PPP1R12B: variants seen among roughly 807,000 people sequenced by gnomAD.
PPP1R12B encodes the protein protein phosphatase 1 regulatory subunit 12B.
A neutral mutation model predicts 126.1 loss-of-function variants in PPP1R12B; 76 were observed. The ratio of observed to expected loss-of-function variants is 0.60; its 90% CI spans 0.50 to 0.73. The LOEUF (loss-of-function observed/expected upper bound fraction) is 0.73, where lower values mean the gene tolerates loss of function less well. PPP1R12B is among the 30% of genes least tolerant of loss of function. PPP1R12B has a pLI of 0.00. For missense variants in PPP1R12B, 1,052 were observed against 1,205.1 expected (o/e 0.87, Z 1.88); for synonymous variants, 356 against 434.7 (o/e 0.82, Z 2.25).
At chr1:202,532,434 C>T (rs1394461236) in intron 18 of PPP1R12B, among the ~76,000 whole-genome samples, 7 of 152,120 alleles carry the variant, frequency 4.6e-5, no homozygotes, top group African/African-American at 1.4e-4. Flanking sequence ...TTACCCAGCC[C>T]GTATTCAAGA....
intron 18 of PPP1R12B, among the ~76,000 whole-genome samples, chr1:202,555,430 A>T (rs1399001034): frequency 6.7e-6 from 1 of 148,180 alleles, no homozygotes; most frequent in Non-Finnish European, 1.5e-5. Flanking sequence ...GTAAAATCTT[A>T]CCCAACAAAT....
At chr1:202,461,801 T>C (rs771534525) in intron 13 of PPP1R12B, among the ~76,000 whole-genome samples, 2 of 152,158 alleles carry the variant, frequency 1.3e-5, no homozygotes, top group African/African-American at 2.4e-5. Context: ...TACCTTCTTA[T>C]GCCTTTTCTC....
intron 1 of PPP1R12B, among the ~76,000 whole-genome samples, chr1:202,351,886 CT>C (rs1329594286): frequency 6.6e-6 from 1 of 152,182 alleles, no homozygotes; most frequent in Non-Finnish European, 1.5e-5. Context: ...CTTGATGCTT[CT>C]TTTGGACTTA....
intron 13 of PPP1R12B, among the ~76,000 whole-genome samples, chr1:202,456,595 A>G (rs1432277907): frequency 6.6e-6 from 1 of 152,196 alleles, no homozygotes; most frequent in East Asian, 1.9e-4. Context: ...TAACTAAGAA[A>G]CTATATCAAG....
chr1:202,565,898 C>CAA lies in PPP1R12B; in HGVS notation c.2757+1364_2757+1365dup, dbSNP rs74768813. Among the ~76,000 whole-genome samples, 1 of 116,130 alleles carries CAA rather than the reference C, an allele frequency of 8.6e-6. No homozygotes were observed. 76.2% of individuals were successfully genotyped at this position (116,130 alleles called of 152,430 possible). The stretch of plus-strand genomic sequence containing the variant: ...CTCACTCCAACATTATTGAGCCAGG[C>CAA]AAAAAAAAAAAAAAGTCTCATTCAC... On this transcript the variant is annotated intron_variant, in intron 21 of 23. Transcript: ENST00000608999. This position sits in a 1 kb window ranked among gnomAD's most constrained non-coding sequence, Gnocchi z 4.3.
At chr1:202,417,877 A>G (rs1200009020) in intron 2 of PPP1R12B, among the ~76,000 whole-genome samples, 1 of 152,168 alleles carries the variant, frequency 6.6e-6, no homozygotes, top group Admixed American at 6.5e-5. Context: ...TGATTTGCCC[A>G]GGTTTCCTAA....
At chr1:202,350,835 G>A (rs1018787074) in intron 1 of PPP1R12B, among the ~76,000 whole-genome samples, 6 of 151,888 alleles carry the variant, frequency 4.0e-5, no homozygotes, top group Non-Finnish European at 8.8e-5. Flanking sequence ...TGACCAGGCT[G>A]GTCTCAAACT....
At chr1:202,566,409 G>C (rs544186931) in intron 21 of PPP1R12B, among the ~76,000 whole-genome samples, 11 of 152,272 alleles carry the variant, frequency 7.2e-5, no homozygotes, top group African/African-American at 2.6e-4. Flanking sequence ...GGAGTTGTTT[G>C]GCAGGACAGT....
chr1:202,390,211 G>A (rs1373780634), intron 1 of PPP1R12B, among the ~76,000 whole-genome samples: 2 of 152,142 alleles, frequency 1.3e-5, no homozygotes, highest in Non-Finnish European at 2.9e-5. Flanking sequence ...AATGGTACAG[G>A]GGGCAGCTGG....
intron 1 of PPP1R12B, among the ~76,000 whole-genome samples, chr1:202,349,810 T>C (rs904182866): frequency 1.3e-5 from 2 of 152,322 alleles, no homozygotes; most frequent in Middle Eastern, 3.4e-3. Flanking sequence ...ATGGAATAGC[T>C]TTTCTATTTT....
chr1:202,363,388 G>T (rs538540804), intron 1 of PPP1R12B, among the ~76,000 whole-genome samples: 2 of 152,196 alleles, frequency 1.3e-5, no homozygotes, highest in Non-Finnish European at 2.9e-5. Flanking sequence ...TGGAGAAAAG[G>T]GTATTGATCA....
intron 13 of PPP1R12B, among the ~76,000 whole-genome samples, chr1:202,451,001 C>A (rs1019711776): frequency 6.6e-6 from 1 of 151,852 alleles, no homozygotes; most frequent in Non-Finnish European, 1.5e-5. Flanking sequence ...TATGGAATAT[C>A]TTTCCTTTAT....
intron 14 of PPP1R12B, among the ~76,000 whole-genome samples, chr1:202,492,859 G>C (rs570223902): frequency 6.6e-6 from 1 of 152,222 alleles, no homozygotes; most frequent in African/African-American, 2.4e-5. Flanking sequence ...CATCAGTGTT[G>C]ACCTATTTTC....
In PPP1R12B at chr1:202,590,849, G is replaced by C. The variant is rs1024625875; in HGVS notation, c.*10289G>C. 6.6e-6 allele frequency: 1 copy of C among 152,100 alleles called. No individual in the cohort carries two copies. Among genetic ancestry groups the C allele is most frequent in the Non-Finnish European group, 1.5e-5 (1 of 68,060 alleles). 9.4% of individuals were successfully genotyped at this position (152,100 alleles called of 1,614,324 possible). On this transcript the variant is annotated 3_prime_UTR_variant, in exon 24 of 24. Transcript: ENST00000608999. ...CTGATTTTGAAGTTTTCAGCCCCAG[G>C]GTTTTCAGAAAGCAGCAAATCAAGT...
At chr1:202,436,413 ATG>A (rs1327790618) in intron 9 of PPP1R12B, among the ~76,000 whole-genome samples, 3 of 152,218 alleles carry the variant, frequency 2.0e-5, no homozygotes, top group South Asian at 2.1e-4. Flanking sequence ...GGGTACGTAA[ATG>A]TGTACATTCA....
rs545041429 is a variant in PPP1R12B at position 202,438,198 on chromosome 1, A to T, written c.1458+174A>T. ...TTATTCAAGTAGCTATTTGCTTGCT[A>T]TTGTTTGCTTGACCAAAAAAGAAAA... On this transcript the variant is annotated intron_variant, in intron 10 of 23. Coordinates refer to ENST00000608999, the MANE Select transcript of PPP1R12B (RefSeq NM_002481.4). 1.2e-4 allele frequency: 183 copies of T among 1,561,126 alleles called. No individual in the cohort carries two copies. In the African/African-American group the frequency reaches 1.7e-3, roughly 14 times the overall value.
At chr1:202,423,132 T>C (rs1376665224) in intron 3 of PPP1R12B, among the ~76,000 whole-genome samples, 1 of 152,240 alleles carries the variant, frequency 6.6e-6, no homozygotes, top group Non-Finnish European at 1.5e-5. Context: ...AAAGTGGTGC[T>C]GATAAAGATA....
Position 202,555,325 on chromosome 1 carries a change from G to GAA in PPP1R12B, c.2491-3525_2491-3524dup, listed in dbSNP as rs56752885. Among the ~76,000 whole-genome samples the GAA allele has an allele frequency of 8.1e-3, 205 of 25,356 alleles. 50 individuals carry two copies. Among genetic ancestry groups the GAA allele is most frequent in the African/African-American group, 0.026 (163 of 6,244 alleles). 16.6% of individuals were successfully genotyped at this position (25,356 alleles called of 152,430 possible). A position where few individuals can be genotyped will look rare whatever the true frequency, so the allele number is the denominator to read the frequency against. On this transcript the variant is annotated intron_variant, in intron 18 of 23. Coordinates refer to ENST00000608999, the MANE Select transcript of PPP1R12B (RefSeq NM_002481.4). Reference sequence around the variant, plus strand: ...AAAACCCTAATTTTCCTGTTTTAATGAAAAAAAAAAAAAAAAAAAAAAAAA... The same window carrying GAA: ...AAAACCCTAATTTTCCTGTTTTAATGAAAAAAAAAAAAAAAAAAAAAAAAAAA...
At chr1:202,392,107 G>A (rs1335347000) in intron 1 of PPP1R12B, among the ~76,000 whole-genome samples, 1 of 146,228 alleles carries the variant, frequency 6.8e-6, no homozygotes, top group Non-Finnish European at 1.5e-5. Context: ...ATCTTCAGGT[G>A]TACTGAAGAT....
Sources: allele counts gnomAD v4.1 joint callset (sites outside exome capture counted in the v4.1 genomes callset), GRCh38; gene constraint gnomAD v4.1.1; non-coding constraint Gnocchi (gnomAD v3.1); transcripts MANE v1.5; gene names NCBI Gene and HGNC (gene_info 2026-07-23, HGNC 2026-07-21).